Variants in DHRS12 observed in about 807,000 individuals in gnomAD.
DHRS12 encodes dehydrogenase/reductase SDR family member 12.
DHRS12 carries 29 observed loss-of-function variants against 32.1 expected under a neutral mutation model. That is an observed-to-expected ratio of 0.90 (90% CI 0.67 to 1.23). The LOEUF (loss-of-function observed/expected upper bound fraction) is 1.23. Ranked by LOEUF, DHRS12 falls within the 50% of genes most tolerant of loss-of-function variation. DHRS12 has a pLI of 0.00. For synonymous variants in DHRS12, 150 were observed against 135.9 expected, an observed-to-expected ratio of 1.10 and a Z score of -0.72; for missense variants, 330 against 337.2, an observed-to-expected ratio of 0.98 and a Z score of 0.17.
chr13:51,776,542 T>C lies in DHRS12; in HGVS notation c.363+518A>G, dbSNP rs532686446. The C allele has an allele frequency of 1.2e-4, 20 of 160,980 alleles. No individual in the cohort carries two copies. In the South Asian group the frequency reaches 3.3e-3, roughly 26 times the overall value. 10.0% of individuals were successfully genotyped at this position (160,980 alleles called of 1,614,324 possible). A position where few individuals can be genotyped will look rare whatever the true frequency, so the allele number is the denominator to read the frequency against. On this transcript the variant is annotated intron_variant, in intron 5 of 8. Transcript: ENST00000444610. Reference sequence around the variant, plus strand: ...TCCCTTCTGCTATATAAAGGTGACATAGTCACAGGTTCTAGGATAAGGATA... The same window carrying C: ...TCCCTTCTGCTATATAAAGGTGACACAGTCACAGGTTCTAGGATAAGGATA...
intron 4 of DHRS12, among the ~76,000 whole-genome samples, chr13:51,783,953 G>A (rs956437645): frequency 2.6e-5 from 4 of 152,186 alleles, no homozygotes. Context: ...ACATTCGTGT[G>A]CGTATTTTTG....
intron 2 of DHRS12, among the ~76,000 whole-genome samples, chr13:51,793,384 G>A (rs1454789429): frequency 6.6e-6 from 1 of 152,212 alleles, no homozygotes; most frequent in East Asian, 1.9e-4. Context: ...ACAAAGCAGA[G>A]AAGTTCCGTG....
At chr13:51,799,004 G>A (rs942021067) in intron 2 of DHRS12, among the ~76,000 whole-genome samples, 1 of 152,188 alleles carries the variant, frequency 6.6e-6, no homozygotes, top group Non-Finnish European at 1.5e-5. Flanking sequence ...GCGGGAGGCT[G>A]CTCTAGCCCT....
Position 51,790,004 on chromosome 13 carries a change from T to C in DHRS12, c.301+7A>G. 1 of 1,594,056 alleles carries C rather than the reference T, an allele frequency of 6.3e-7. No homozygotes were observed. Among genetic ancestry groups the C allele is most frequent in the Non-Finnish European group, 8.5e-7 (1 of 1,174,320 alleles). On this transcript the variant is annotated splice_region_variant and intron_variant, in intron 4 of 8. Transcript: ENST00000444610. The stretch of plus-strand genomic sequence containing the variant: ...TAAAAACAAATAAGAAAACTTCTTG[T>C]ACTTACCCAGAGTATTGGCAGCAAA...
rs1955667079 is a variant in DHRS12, at chr13:51,799,735, A to C, written c.-8-68T>G. 3.2e-6 allele frequency: 5 copies of C among 1,569,598 alleles called. No homozygotes were observed. The South Asian group carries it at 4.6e-5, about 14-fold the overall frequency. On this transcript the variant is annotated intron_variant, in intron 1 of 8. Coordinates refer to ENST00000444610, the MANE Select transcript of DHRS12 (RefSeq NM_001377533.1). ...GGGAACACAAACCCCTGCAGGAGAA[A>C]GCCTAATTCTAGGATGGGCATTATT...
At position 51,782,617 on chromosome 13, in the gene DHRS12, G is replaced by A. The variant is rs960564596; in HGVS notation, c.302-5496C>T. ...GACTCGGGGACCATGAGAGGCTGGT[G>A]GAGGAAGTGCTGTGCAGGCTTTTCT... On this transcript the variant is annotated intron_variant, in intron 4 of 8. Coordinates refer to ENST00000444610, the MANE Select transcript of DHRS12 (RefSeq NM_001377533.1). The surrounding 1 kb of genome is among the most constrained non-coding windows in gnomAD (Gnocchi z 4.2). 6.6e-6 allele frequency among the ~76,000 whole-genome samples: 1 copy of A among 152,184 alleles called. No homozygotes were observed. Among genetic ancestry groups the A allele is most frequent in the African/African-American group, 2.4e-5 (1 of 41,430 alleles).
At chr13:51,800,526 T>A (rs895210459) in intron 1 of DHRS12, among the ~76,000 whole-genome samples, 2 of 152,232 alleles carry the variant, frequency 1.3e-5, no homozygotes, top group African/African-American at 4.8e-5. Flanking sequence ...TCTCAGAGCT[T>A]ACATCTCTCA....
chr13:51,798,924 G>A (rs1470696178), intron 2 of DHRS12, among the ~76,000 whole-genome samples: 3 of 152,218 alleles, frequency 2.0e-5, no homozygotes, highest in Admixed American at 6.5e-5. Context: ...CCATGAGGAA[G>A]ACTTCTGCTG....
At chr13:51,801,243 G>A (rs1345427755) in intron 1 of DHRS12, among the ~76,000 whole-genome samples, 1 of 152,184 alleles carries the variant, frequency 6.6e-6, no homozygotes, top group African/African-American at 2.4e-5. Flanking sequence ...ATGGAGTGCA[G>A]TGGCGCGATC....
intron 4 of DHRS12, among the ~76,000 whole-genome samples, chr13:51,779,435 C>T (rs572491005): frequency 9.8e-5 from 15 of 152,302 alleles, no homozygotes; most frequent in Admixed American, 2.6e-4. Flanking sequence ...GCCCAGTCCA[C>T]GGGCAGATGG....
chr13:51,789,256 T>C (rs1182943461), intron 4 of DHRS12, among the ~76,000 whole-genome samples: 1 of 152,182 alleles, frequency 6.6e-6, no homozygotes, highest in Non-Finnish European at 1.5e-5. Flanking sequence ...TACAAGGAAG[T>C]AGGATAGGTC....
chr13:51,769,513 G>C (rs148005317), intron 7 of DHRS12, among the ~76,000 whole-genome samples: 2 of 152,228 alleles, frequency 1.3e-5, no homozygotes, highest in African/African-American at 4.8e-5. Context: ...GCTCACCAGA[G>C]GCCTGATTGA....
the DHRS12 span, chr13:51,758,273 G>T: frequency 6.3e-7 from 1 of 1,598,756 alleles, no homozygotes; most frequent in South Asian, 1.1e-5. Flanking sequence ...GATGGTTACT[G>T]ACTTCTGGAA....
intron 4 of DHRS12, among the ~76,000 whole-genome samples, chr13:51,784,836 G>C (rs905582657): frequency 1.3e-5 from 2 of 152,196 alleles, no homozygotes; most frequent in African/African-American, 4.8e-5. Flanking sequence ...CTGAAATTAT[G>C]TATGTGTCTA....
Position 51,768,166 on chromosome 13 carries a change from C to T in DHRS12, c.*21G>A. On this transcript the variant is annotated 3_prime_UTR_variant, in exon 9 of 9. Coordinates refer to ENST00000444610, the MANE Select transcript of DHRS12 (RefSeq NM_001377533.1). ...GGTATCTTCTAAGGCAATTCTGGTA[C>T]CGCACTGTGTCTGGGTTGGCCTATT... The T allele has an allele frequency of 2.6e-6, 4 of 1,536,096 alleles. No homozygotes were observed. The highest frequency in any genetic ancestry group is 3.5e-6 in the Non-Finnish European group (4 of 1,146,870).
chr13:51,755,241 C>A, the DHRS12 span: 1 of 931,732 alleles, frequency 1.1e-6, no homozygotes, highest in Non-Finnish European at 1.7e-6. Flanking sequence ...ACTGAGAAAT[C>A]ACACCTCTGT....
intron 7 of DHRS12, among the ~76,000 whole-genome samples, chr13:51,769,600 C>T (rs1348851966): frequency 6.6e-6 from 1 of 152,096 alleles, no homozygotes; most frequent in Non-Finnish European, 1.5e-5. Flanking sequence ...CCCTTTCCAT[C>T]CTAAGAGAGG....
At chr13:51,786,109 A>T (rs989922637) in intron 4 of DHRS12, among the ~76,000 whole-genome samples, 1 of 152,216 alleles carries the variant, frequency 6.6e-6, no homozygotes, top group Non-Finnish European at 1.5e-5. Flanking sequence ...CAGAATGTCA[A>T]GCGACAACAC....
chr13:51,756,536 A>G, the DHRS12 span: 1 of 1,521,738 alleles, frequency 6.6e-7, no homozygotes, highest in Non-Finnish European at 8.8e-7. Flanking sequence ...TCAGCGCCGC[A>G]ACCATCACTC....
Sources: allele counts gnomAD v4.1 joint callset (sites outside exome capture counted in the v4.1 genomes callset), GRCh38; gene constraint gnomAD v4.1.1; non-coding constraint Gnocchi (gnomAD v3.1); transcripts MANE v1.5; gene names NCBI Gene and HGNC (gene_info 2026-07-23, HGNC 2026-07-21).